EPB41L5: variants seen among roughly 807,000 people sequenced by gnomAD.
EPB41L5 encodes the protein band 4.1-like protein 5.
Under a neutral mutation model 106.6 loss-of-function variants are expected in EPB41L5, and 55 were observed. That is an observed-to-expected ratio of 0.52 (90% CI 0.42 to 0.65). The LOEUF (loss-of-function observed/expected upper bound fraction) is 0.65, where lower values mean the gene tolerates loss of function less well. Among genes scored for constraint, EPB41L5 ranks in the 30% least tolerant of loss-of-function variants. The pLI, the probability that EPB41L5 is intolerant of heterozygous loss-of-function variation, is 0.00. For synonymous variants in EPB41L5, 297 were observed against 306.7 expected, an observed-to-expected ratio of 0.97 and a Z score of 0.33; for missense variants, 871 against 882.1, an observed-to-expected ratio of 0.99 and a Z score of 0.16.
In EPB41L5 at chr2:120,030,749, C is replaced by G. The variant is rs1219108539; in HGVS notation, c.181-11257C>G. On this transcript the variant is annotated intron_variant, in intron 2 of 24. Transcript: ENST00000263713. The stretch of plus-strand genomic sequence containing the variant: ...TTGTGTTTTTTACTAGAGATGAGGT[C>G]TCACCATATTGGCCAGGCTGGTCTC... 2.6e-5 allele frequency among the ~76,000 whole-genome samples: 4 copies of G among 151,544 alleles called. No individual in the cohort carries two copies. In the East Asian group the frequency reaches 5.9e-4, roughly 22 times the overall value.
At chr2:120,033,487 C>CA (rs774440177) in intron 2 of EPB41L5, among the ~76,000 whole-genome samples, 20 of 150,952 alleles carry the variant, frequency 1.3e-4, no homozygotes, top group Non-Finnish European at 2.8e-4. Flanking sequence ...GTGGGCAGAT[C>CA]ACCTGAGGTC....
intron 20 of EPB41L5, among the ~76,000 whole-genome samples, chr2:120,154,013 C>T (rs1472260235): frequency 6.6e-6 from 1 of 151,798 alleles, no homozygotes; most frequent in Non-Finnish European, 1.5e-5. Flanking sequence ...TAAAGGACTT[C>T]TTCCATTGTA....
At position 120,178,047 on chromosome 2, in the gene EPB41L5, T is replaced by C. The variant is rs1687979652; in HGVS notation, c.*3140T>C. On this transcript the variant is annotated 3_prime_UTR_variant, in exon 25 of 25. Transcript: ENST00000263713. ...CTCGAGAAGCAGAGTTTTTGTCTTGTCATTGAGAGGAGTCAGCAGTCTTGT... is the reference window on the plus strand; with the variant it reads ...CTCGAGAAGCAGAGTTTTTGTCTTGCCATTGAGAGGAGTCAGCAGTCTTGT... The C allele has an allele frequency of 6.5e-6, 1 of 152,762 alleles. No individual in the cohort carries two copies. Among genetic ancestry groups the C allele is most frequent in the Non-Finnish European group, 1.5e-5 (1 of 68,050 alleles). The allele number at this position is 152,762 out of a possible 1,614,324, so 9.5% of individuals were successfully genotyped here.
intron 22 of EPB41L5, among the ~76,000 whole-genome samples, chr2:120,165,457 T>C (rs1172868510): frequency 6.6e-6 from 1 of 152,224 alleles, no homozygotes; most frequent in Non-Finnish European, 1.5e-5. Flanking sequence ...CTCTAATATC[T>C]AATGCAGTGT....
chr2:120,105,282 T>G, intron 16 of EPB41L5: 1 of 967,982 alleles, frequency 1.0e-6, no homozygotes, highest in Non-Finnish European at 1.2e-6. Context: ...TCTTTTATAT[T>G]TTAGAAAAAT....
intron 16 of EPB41L5, among the ~76,000 whole-genome samples, chr2:120,116,804 AG>A (rs758450248): frequency 2.6e-5 from 4 of 152,188 alleles, no homozygotes; most frequent in Non-Finnish European, 5.9e-5. Flanking sequence ...TTGGGATTAT[AG>A]GCATGAGCCA....
chr2:120,158,309 G>T (rs964606271), intron 20 of EPB41L5, among the ~76,000 whole-genome samples: 1 of 152,162 alleles, frequency 6.6e-6, no homozygotes. Context: ...GAAAACTTCA[G>T]GCCAGTATTC....
chr2:120,014,222 C>G (rs1265454242), intron 1 of EPB41L5, among the ~76,000 whole-genome samples: 1 of 152,130 alleles, frequency 6.6e-6, no homozygotes, highest in Non-Finnish European at 1.5e-5. Context: ...TCATGACTAA[C>G]TTTTGGGTTT....
intron 10 of EPB41L5, among the ~76,000 whole-genome samples, chr2:120,083,574 A>G (rs1682840582): frequency 6.6e-6 from 1 of 152,176 alleles, no homozygotes; most frequent in Non-Finnish European, 1.5e-5. Context: ...AAGAATGTAT[A>G]TTCTGCTGAT....
At chr2:120,104,569 A>G (rs1485350971) in intron 16 of EPB41L5, 8 of 1,004,812 alleles carry the variant, frequency 8.0e-6, no homozygotes, top group Non-Finnish European at 8.3e-6. Context: ...CAAGGTGCCC[A>G]TTATTCCCCC....
intron 3 of EPB41L5, among the ~76,000 whole-genome samples, chr2:120,049,512 C>G (rs1008672601): frequency 1.3e-4 from 20 of 151,884 alleles, no homozygotes; most frequent in Admixed American, 4.6e-4. Context: ...TTTCCATTTG[C>G]TTGGTAGATC....
chr2:120,114,559 A>C (rs939185697), intron 16 of EPB41L5, among the ~76,000 whole-genome samples: 3 of 152,186 alleles, frequency 2.0e-5, no homozygotes, highest in Non-Finnish European at 4.4e-5. Context: ...ATATAACCCC[A>C]TCATCAGTTG....
At chr2:120,150,516 TA>T (rs754122178) in intron 20 of EPB41L5, among the ~76,000 whole-genome samples, 5 of 152,048 alleles carry the variant, frequency 3.3e-5, no homozygotes, top group African/African-American at 4.8e-5. Flanking sequence ...TATTTTATTT[TA>T]TTTTTTTAGA....
At chr2:120,061,036 T>TTTG (rs1558836311) in intron 3 of EPB41L5, among the ~76,000 whole-genome samples, 7 of 104,184 alleles carry the variant, frequency 6.7e-5, no homozygotes, top group Non-Finnish European at 1.5e-4. Context: ...GGGAAGTTTT[T>TTTG]TTTTTTTTTT....
chr2:120,056,893 G>C (rs1222056892), intron 3 of EPB41L5, among the ~76,000 whole-genome samples: 2 of 151,884 alleles, frequency 1.3e-5, no homozygotes, highest in Non-Finnish European at 2.9e-5. Flanking sequence ...GGTGTATTCA[G>C]ATTTTCTTTT....
intron 9 of EPB41L5, among the ~76,000 whole-genome samples, chr2:120,077,781 A>G (rs1399487916): frequency 1.3e-5 from 2 of 152,280 alleles, no homozygotes; most frequent in East Asian, 3.9e-4. Flanking sequence ...ACATTTTTCC[A>G]GAAAGGCGGT....
intron 10 of EPB41L5, among the ~76,000 whole-genome samples, chr2:120,080,531 A>G (rs1682574904): frequency 1.3e-5 from 2 of 152,282 alleles, no homozygotes; most frequent in African/African-American, 4.8e-5. Flanking sequence ...GGTTGGTTCC[A>G]AGTCTTTGCT....
chr2:120,151,901 G>C (rs1052567114), intron 20 of EPB41L5, among the ~76,000 whole-genome samples: 4 of 152,158 alleles, frequency 2.6e-5, no homozygotes, highest in Non-Finnish European at 4.4e-5. Context: ...ACAAGTGTGA[G>C]CCACCACACC....
chr2:120,062,995 G>A (rs1681184504), intron 3 of EPB41L5, among the ~76,000 whole-genome samples: 1 of 152,050 alleles, frequency 6.6e-6, no homozygotes, highest in African/African-American at 2.4e-5. Context: ...ATTTTGAAGT[G>A]GTCAGAATGT....
Sources: gnomAD v4.1 joint callset for allele counts (sites outside exome capture counted in the v4.1 genomes callset) on GRCh38, gnomAD v4.1.1 for gene constraint, MANE v1.5 for transcripts, NCBI Gene and HGNC (gene_info 2026-07-23, HGNC 2026-07-21) for gene names.